Variants in PARD3 observed in about 807,000 individuals in gnomAD.
PARD3 encodes par-3 family cell polarity regulator, also known as partitioning defective 3 homolog.
PARD3 carries 75 observed loss-of-function variants against 155.4 expected under a neutral mutation model. The observed-to-expected ratio is 0.48, with a 90% CI of 0.40 to 0.58. PARD3 has a LOEUF of 0.58. PARD3 is among the 20% of genes least tolerant of loss of function. PARD3 has a pLI of 0.00. For missense variants in PARD3, 1,642 were observed against 1,721.7 expected (o/e 0.95, Z 0.82); for synonymous variants, 576 against 610.5 (o/e 0.94, Z 0.83).
intron 2 of PARD3, among the ~76,000 whole-genome samples, chr10:34,612,736 A>G (rs952565713): frequency 2.0e-5 from 3 of 152,240 alleles, no homozygotes; most frequent in Admixed American, 6.5e-5. Context: ...AGACACAATG[A>G]ATAAAAACCA....
chr10:34,649,824 G>A (rs887037106), intron 2 of PARD3, among the ~76,000 whole-genome samples: 7 of 151,998 alleles, frequency 4.6e-5, no homozygotes, highest in East Asian at 1.9e-4. Context: ...CACACACATT[G>A]GACAACTGTA....
At chr10:34,740,766 G>A (rs899511663) in intron 1 of PARD3, among the ~76,000 whole-genome samples, 3 of 151,770 alleles carry the variant, frequency 2.0e-5, no homozygotes, top group South Asian at 2.1e-4. Flanking sequence ...AAAAATTGAC[G>A]TATATCTTTT....
At chr10:34,400,476 A>G (rs1414944093) in intron 6 of PARD3, among the ~76,000 whole-genome samples, 2 of 152,182 alleles carry the variant, frequency 1.3e-5, no homozygotes, top group Admixed American at 6.6e-5. Context: ...TTTTTCATAT[A>G]TACATATAAC....
At chr10:34,522,772 C>T (rs765357409) in intron 2 of PARD3, among the ~76,000 whole-genome samples, 3 of 152,180 alleles carry the variant, frequency 2.0e-5, no homozygotes, top group Non-Finnish European at 4.4e-5. Context: ...CACAGAAACA[C>T]AAAGTCGTTT....
rs553165948 is a variant in PARD3, at chr10:34,486,359, T to G, written c.404-16096A>C. ...TTGGCCAAGAATGGGTCCATTCAGTTGGTTAGGGGTCTTAAAATTTTATTT... is the reference window on the plus strand; with the variant it reads ...TTGGCCAAGAATGGGTCCATTCAGTGGGTTAGGGGTCTTAAAATTTTATTT... On this transcript the variant is annotated intron_variant, in intron 3 of 24. Coordinates refer to ENST00000374788, the MANE Select transcript of PARD3 (RefSeq NM_001184785.2). Among the ~76,000 whole-genome samples the G allele has an allele frequency of 5.6e-4, 86 of 152,260 alleles. 1 individual carries two copies. The highest frequency in any genetic ancestry group is 1.9e-3 in the African/African-American group (81 of 41,560).
At chr10:34,628,179 T>G (rs946515397) in intron 2 of PARD3, among the ~76,000 whole-genome samples, 5 of 152,208 alleles carry the variant, frequency 3.3e-5, no homozygotes, top group Non-Finnish European at 5.9e-5. Flanking sequence ...TGTTGAGAGA[T>G]ACTGCACAGG....
At chr10:34,672,103 G>C (rs1249144945) in intron 2 of PARD3, among the ~76,000 whole-genome samples, 1 of 152,042 alleles carries the variant, frequency 6.6e-6, no homozygotes, top group Non-Finnish European at 1.5e-5. Flanking sequence ...AGGAGTTCGA[G>C]GCTGCAGTGA....
intron 22 of PARD3, among the ~76,000 whole-genome samples, chr10:34,137,334 G>T (rs1947953594): frequency 6.6e-6 from 1 of 152,100 alleles, no homozygotes; most frequent in Non-Finnish European, 1.5e-5. Context: ...CAGCTGCATG[G>T]AACACAATGC....
At chr10:34,206,895 C>T (rs1564481834) in intron 22 of PARD3, among the ~76,000 whole-genome samples, 2 of 152,154 alleles carry the variant, frequency 1.3e-5, no homozygotes, top group African/African-American at 2.4e-5. Flanking sequence ...CCTCCTACCT[C>T]ACTACTAGAT....
Position 34,284,242 on chromosome 10 carries a change from A to T in PARD3, c.3069T>A (p.Phe1023Leu). 1 of 1,588,778 alleles carries T rather than the reference A, an allele frequency of 6.3e-7. No individual in the cohort carries two copies. The highest frequency in any genetic ancestry group is 8.6e-7 in the Non-Finnish European group (1 of 1,164,042). Residue 1023 changes from phenylalanine (F) to leucine (L), a missense_variant, in exon 21 of 25, where the codon TTT (phenylalanine) becomes TTA (leucine). Coordinates refer to ENST00000374788, the MANE Select transcript of PARD3 (RefSeq NM_001184785.2). ...MLKGLGDMFR[F>L]GKHRKDDKIE... ...TCTTGTCATCTTTTCGATGTTTGCC[A>T]AACCTGTTAATAACAAAAAATTCTA...
At chr10:34,482,891 G>A (rs1437185434) in intron 3 of PARD3, among the ~76,000 whole-genome samples, 1 of 152,050 alleles carries the variant, frequency 6.6e-6, no homozygotes, top group Non-Finnish European at 1.5e-5. Flanking sequence ...GCTCACGCCT[G>A]TAATCCCAGC....
chr10:34,773,898 T>C (rs770645903), intron 1 of PARD3, among the ~76,000 whole-genome samples: 81 of 152,312 alleles, frequency 5.3e-4, no homozygotes, highest in Non-Finnish European at 9.6e-4. Context: ...GAGACTTAAT[T>C]CCATCACTGA....
intron 5 of PARD3, among the ~76,000 whole-genome samples, chr10:34,431,934 C>T (rs1466648867): frequency 7.2e-6 from 1 of 139,132 alleles, no homozygotes; most frequent in South Asian, 2.5e-4. Context: ...CCCAGCTACT[C>T]GGGAGGCTGA....
chr10:34,545,763 G>C (rs2083996093), intron 2 of PARD3, among the ~76,000 whole-genome samples: 1 of 152,076 alleles, frequency 6.6e-6, no homozygotes, highest in South Asian at 2.1e-4. Context: ...TCACCATGTT[G>C]GCCAGACTGG....
At chr10:34,509,135 T>C (rs547839937) in intron 3 of PARD3, among the ~76,000 whole-genome samples, 18 of 152,174 alleles carry the variant, frequency 1.2e-4, no homozygotes, top group Non-Finnish European at 1.3e-4. Context: ...CCATAAAGTA[T>C]AATATACACT....
intron 22 of PARD3, among the ~76,000 whole-genome samples, chr10:34,195,187 T>C (rs1950884243): frequency 1.3e-5 from 2 of 152,252 alleles, no homozygotes; most frequent in Non-Finnish European, 2.9e-5. Context: ...ATGTTTATGC[T>C]TTCTTTAATA....
chr10:34,546,955 CCAT>C (rs889370447), intron 2 of PARD3, among the ~76,000 whole-genome samples: 1 of 152,154 alleles, frequency 6.6e-6, no homozygotes, highest in Non-Finnish European at 1.5e-5. Flanking sequence ...ATTGTTTAGC[CCAT>C]CAAACACACA....
intron 22 of PARD3, among the ~76,000 whole-genome samples, chr10:34,254,394 AACAAAAACAAAAAC>A (rs879588620): frequency 7.6e-5 from 7 of 91,746 alleles, no homozygotes; most frequent in African/African-American, 2.9e-4. Context: ...CAAAAACAAA[AACAAAAACAAAAAC>A]AAACAAAAAA....
rs184195180 is a variant in PARD3, at chr10:34,581,845, C to T, written c.223-64686G>A. ...GATGAGAAACAGAATCTCACAATAA[C>T]GATATTATGGGCAATCCCTCTTGTG... On this transcript the variant is annotated intron_variant, in intron 2 of 24. Coordinates refer to ENST00000374788, the MANE Select transcript of PARD3 (RefSeq NM_001184785.2). 5.3e-3 allele frequency among the ~76,000 whole-genome samples: 810 copies of T among 152,214 alleles called. 27 individuals carry two copies. The highest frequency in any genetic ancestry group is 0.048 in the Admixed American group (740 of 15,290).
Sources: allele counts gnomAD v4.1 joint callset (sites outside exome capture counted in the v4.1 genomes callset), GRCh38; gene constraint gnomAD v4.1.1; transcripts MANE v1.5; gene names NCBI Gene and HGNC (gene_info 2026-07-23, HGNC 2026-07-21).